The following FASTKD1 variants were observed in gnomAD, a reference collection of about 807,000 sequenced individuals.
FASTKD1 encodes the protein FAST kinase domains 1.
Under a neutral mutation model 90.9 loss-of-function variants are expected in FASTKD1, and 94 were observed. The ratio of observed to expected loss-of-function variants is 1.03; its 90% CI spans 0.88 to 1.23. The LOEUF is 1.23. Ranked by LOEUF, FASTKD1 falls within the 50% of genes most tolerant of loss-of-function variation. The pLI is 0.00. For synonymous variants in FASTKD1, 319 were observed against 345.8 expected, an observed-to-expected ratio of 0.92 and a Z score of 0.86; for missense variants, 945 against 993.5, an observed-to-expected ratio of 0.95 and a Z score of 0.66.
rs149332535 is a variant in FASTKD1 at position 169,541,591 on chromosome 2, G to T, written c.1817-1412C>A. ...ATGGTTAGATGCTGTCTGGCCCATA[G>T]ATCCCACAAAAATGTAGCAAAGTCC... On this transcript the variant is annotated intron_variant, in intron 9 of 14. Transcript: ENST00000453153. Among the ~76,000 whole-genome samples the T allele has an allele frequency of 1.2e-4, 18 of 152,230 alleles. No homozygotes were observed. The East Asian group carries it at 3.3e-3, about 28-fold the overall frequency.
Position 169,546,433 on chromosome 2 carries a change from T to A in FASTKD1, c.1486A>T (p.Ser496Cys). The A allele has an allele frequency of 6.2e-7, 1 of 1,614,204 alleles. No individual in the cohort carries two copies. The highest frequency in any genetic ancestry group is 8.5e-7 in the Non-Finnish European group (1 of 1,180,040). ...AGTTCCTTCCGTAACAGATCCAAAC[T>A]GTTGCTGTGTTGTAGTCTCTGACGA... is the stretch of plus-strand genomic sequence containing the variant. ...YGRQRLQHSNSLDLLRKELKS... is the reference protein window; with the variant it reads ...YGRQRLQHSNCLDLLRKELKS... Residue 496 changes from serine (S) to cysteine (C), a missense_variant, in exon 8 of 15, where the codon AGT (serine) becomes TGT (cysteine). Ser to Cys is a moderately radical substitution (Grantham distance 112, BLOSUM62 -1). Transcript: ENST00000453153.
chr2:169,569,056 G>T, intron 3 of FASTKD1, 128 bp downstream of exon 3: 1 of 766,214 alleles, frequency 1.3e-6, no homozygotes, highest in Non-Finnish European at 2.2e-6. Flanking sequence ...AAACTAAACT[G>T]AGTTTAAATA....
chr2:169,563,541 G>GA (rs543386201), intron 3 of FASTKD1, among the ~76,000 whole-genome samples, 191 bp from the exon 4 acceptor site: 6 of 152,052 alleles, frequency 3.9e-5, no homozygotes, highest in Non-Finnish European at 7.4e-5. Context: ...TTGAAAGGGG[G>GA]AAAATCACTA....
At chr2:169,533,415 A>G (rs1267189294) in intron 12 of FASTKD1, among the ~76,000 whole-genome samples, 2 of 152,212 alleles carry the variant, frequency 1.3e-5, no homozygotes, top group Non-Finnish European at 2.9e-5. Context: ...TGAATTCTAG[A>G]GCCAGAATGC....
chr2:169,554,164 G>A (rs115136488), intron 7 of FASTKD1, among the ~76,000 whole-genome samples: 1,566 of 148,608 alleles, frequency 0.011, 9 homozygotes, highest in Non-Finnish European at 0.017. Context: ...AGGCTGAGGC[G>A]GGAGGATCAC....
intron 10 of FASTKD1, among the ~76,000 whole-genome samples, chr2:169,539,581 A>T (rs1220306708): frequency 6.6e-6 from 1 of 152,148 alleles, no homozygotes; most frequent in African/African-American, 2.4e-5. Context: ...CAGCCTGGGC[A>T]ATACAGTGAG....
intron 3 of FASTKD1, among the ~76,000 whole-genome samples, chr2:169,565,772 C>A (rs1683947626): frequency 6.6e-6 from 1 of 152,180 alleles, no homozygotes; most frequent in Non-Finnish European, 1.5e-5. Context: ...CCAAACTGTT[C>A]TCCATAGAGC....
chr2:169,568,319 C>A (rs1228401725), intron 3 of FASTKD1, among the ~76,000 whole-genome samples: 1 of 151,726 alleles, frequency 6.6e-6, no homozygotes, highest in African/African-American at 2.4e-5. Flanking sequence ...TTATTGATAG[C>A]CAATTAATCA....
intron 6 of FASTKD1, among the ~76,000 whole-genome samples, 161 bp downstream of exon 6, chr2:169,557,025 AG>A (rs200752475): frequency 6.8e-6 from 1 of 146,376 alleles, no homozygotes; most frequent in African/African-American, 2.5e-5. Context: ...AAAAAAAAAA[AG>A]AAAAGAAAAA....
chr2:169,546,085 C>T, intron 8 of FASTKD1, 133 bp downstream of exon 8: 1 of 960,378 alleles, frequency 1.0e-6, no homozygotes, highest in Non-Finnish European at 1.5e-6. Flanking sequence ...CTTGAGCTAC[C>T]ACATCTGACC....
intron 4 of FASTKD1, among the ~76,000 whole-genome samples, chr2:169,562,390 G>T (rs1238739838): frequency 2.0e-5 from 3 of 151,728 alleles, no homozygotes. Context: ...CCGCCACCAT[G>T]CCCAGCTAAT....
intron 8 of FASTKD1, 62 bp downstream of exon 8, chr2:169,546,156 A>G: frequency 6.8e-7 from 1 of 1,472,726 alleles, no homozygotes; most frequent in South Asian, 1.4e-5. Flanking sequence ...TGCCTATGAT[A>G]AAAATTATGC....
In FASTKD1 at chr2:169,546,457, G is replaced by A. The variant is rs1175757373; in HGVS notation, c.1462C>T (p.Arg488Cys). 23 of 1,613,936 alleles carry A rather than the reference G, an allele frequency of 1.4e-5. No individual in the cohort carries two copies. The highest frequency in any genetic ancestry group is 3.3e-5 in the Admixed American group (2 of 59,998). The change falls in exon 8 of 15, where the codon CGT (arginine) becomes TGT (cysteine). Residue 488 changes from arginine (R) to cysteine (C), a missense_variant. Arg to Cys is a radical substitution (Grantham distance 180). Transcript: ENST00000453153. ...CTGTTGCTGTGTTGTAGTCTCTGACGACCATAGTGATCTAATTTTTGAAGT... is the reference window on the plus strand; with the variant it reads ...CTGTTGCTGTGTTGTAGTCTCTGACAACCATAGTGATCTAATTTTTGAAGT... ...KLLQKLDHYG[R>C]QRLQHSNSLD... is the part of the protein sequence containing the mutation.
chr2:169,548,825 T>C (rs1310106172), intron 7 of FASTKD1, among the ~76,000 whole-genome samples: 1 of 149,380 alleles, frequency 6.7e-6, no homozygotes, highest in Non-Finnish European at 1.5e-5. Context: ...CTGGGCGCGG[T>C]AGCTCACTCC....
chr2:169,544,564 C>CT (rs1685099898), intron 9 of FASTKD1, among the ~76,000 whole-genome samples, 157 bp downstream of exon 9: 1 of 152,172 alleles, frequency 6.6e-6, no homozygotes. Flanking sequence ...GAGCAAGACT[C>CT]TGTCTCAAAA....
intron 8 of FASTKD1, among the ~76,000 whole-genome samples, chr2:169,545,210 C>A (rs78491846): frequency 0.031 from 4,758 of 152,106 alleles, 275 homozygotes; most frequent in African/African-American, 0.11. Context: ...CATAGTGAGA[C>A]CCTGTCTTTA....
chr2:169,562,162 T>C (rs1238380523), intron 4 of FASTKD1, among the ~76,000 whole-genome samples: 1 of 149,766 alleles, frequency 6.7e-6, no homozygotes, highest in Non-Finnish European at 1.5e-5. Context: ...TAATTATTTA[T>C]TAATTTATTT....
At chr2:169,565,978 T>C (rs1275766607) in intron 3 of FASTKD1, among the ~76,000 whole-genome samples, 2 of 152,226 alleles carry the variant, frequency 1.3e-5, no homozygotes, top group African/African-American at 2.4e-5. Flanking sequence ...CACGGGTCTT[T>C]TGAGAAATCT....
chr2:169,565,323 C>T (rs184559178), intron 3 of FASTKD1, among the ~76,000 whole-genome samples: 2,253 of 122,952 alleles, frequency 0.018, 76 homozygotes, highest in African/African-American at 0.066. Context: ...AGTGCAGTGG[C>T]GCGATCTCGG....
Sources: allele counts gnomAD v4.1 joint callset (sites outside exome capture counted in the v4.1 genomes callset), GRCh38; gene constraint gnomAD v4.1.1; transcripts MANE v1.5; gene names NCBI Gene and HGNC (gene_info 2026-07-23, HGNC 2026-07-21).